Variants in ADCY8 observed in about 807,000 individuals in gnomAD.
The protein encoded by ADCY8 is adenylate cyclase 8.
ADCY8 carries 51 observed loss-of-function variants against 119.7 expected under a neutral mutation model. The ratio of observed to expected loss-of-function variants is 0.43; its 90% confidence interval spans 0.34 to 0.54. ADCY8 has a LOEUF of 0.54. Among genes scored for constraint, ADCY8 ranks in the 20% least tolerant of loss-of-function variants. ADCY8 has a pLI of 0.03. For synonymous variants in ADCY8, 665 were observed against 651.0 expected (o/e 1.02, Z -0.33); for missense variants, 1,383 against 1,598.8 (o/e 0.87, Z 2.30).
chr8:130,973,792 T>C (rs1217876595), intron 2 of ADCY8, among the ~76,000 whole-genome samples: 1 of 152,236 alleles, frequency 6.6e-6, no homozygotes, highest in Non-Finnish European at 1.5e-5. Flanking sequence ...GCTTACCTCA[T>C]GTGATCCTCA....
chr8:130,791,534 C>T (rs536806748), intron 15 of ADCY8, among the ~76,000 whole-genome samples: 2 of 152,380 alleles, frequency 1.3e-5, no homozygotes, highest in Non-Finnish European at 2.9e-5. Context: ...TGCCCAGGGG[C>T]TGTGGCATAG....
rs547544987 is a variant in ADCY8 at position 130,813,020 on chromosome 8, T to A, written c.2913+1049A>T. Among the ~76,000 whole-genome samples, 12 of 151,534 alleles carry A rather than the reference T, an allele frequency of 7.9e-5. No homozygotes were observed. The South Asian group carries it at 2.3e-3, about 29-fold the overall frequency. The stretch of plus-strand genomic sequence containing the variant: ...TGGAGTGCAGTGGCACAATCTCAAC[T>A]CACTGCAACCTCTGCCCCCCAGGTT... On this transcript the variant is annotated intron_variant, in intron 14 of 17. Transcript: ENST00000286355.
chr8:130,826,406 C>T (rs1326773545), intron 12 of ADCY8, among the ~76,000 whole-genome samples: 1 of 152,150 alleles, frequency 6.6e-6, no homozygotes, highest in African/African-American at 2.4e-5. Context: ...GGGGATCAAA[C>T]TAAAACAATT....
intron 1 of ADCY8, among the ~76,000 whole-genome samples, chr8:130,996,638 A>C (rs193046965): frequency 5.4e-4 from 82 of 152,246 alleles, no homozygotes; most frequent in African/African-American, 1.9e-3. Context: ...CTACAGGGGA[A>C]AAAAATGGAC....
intron 1 of ADCY8, among the ~76,000 whole-genome samples, chr8:131,025,444 A>G (rs76453138): frequency 0.021 from 3,257 of 152,184 alleles, 75 homozygotes; most frequent in African/African-American, 0.056. Flanking sequence ...AAAAAGGGAA[A>G]CAGCAATACT....
intron 1 of ADCY8, among the ~76,000 whole-genome samples, chr8:131,003,361 A>T (rs1823015402): frequency 6.6e-6 from 1 of 152,204 alleles, no homozygotes; most frequent in South Asian, 2.1e-4. Context: ...TTTTTGCACA[A>T]ATTTTAAAGT....
At chr8:130,923,571 A>G (rs1033711746) in intron 5 of ADCY8, among the ~76,000 whole-genome samples, 3 of 152,190 alleles carry the variant, frequency 2.0e-5, no homozygotes, top group African/African-American at 7.2e-5. Context: ...TTAATCAAGA[A>G]CAACTTTTGC....
intron 15 of ADCY8, among the ~76,000 whole-genome samples, chr8:130,799,663 A>G (rs1586424881): frequency 6.6e-6 from 1 of 152,248 alleles, no homozygotes. Context: ...AGGGCAGCCC[A>G]TGACCAATAA....
rs183378714 is a variant in ADCY8 at position 130,906,916 on chromosome 8, T to C, written c.1640+2792A>G. Among the ~76,000 whole-genome samples, 26 of 151,966 alleles carry C rather than the reference T, an allele frequency of 1.7e-4. 1 individual carries two copies. Among genetic ancestry groups the C allele is most frequent in the Admixed American group, 7.2e-4 (11 of 15,214 alleles). On this transcript the variant is annotated intron_variant, in intron 6 of 17. Transcript: ENST00000286355. ...ACATTTCTTTGTCTCCTTTTGCAGA[T>C]GCTGAAACTGGCCCAGAAGTAACAA...
At chr8:130,847,984 A>G (rs1817385644) in intron 10 of ADCY8, among the ~76,000 whole-genome samples, 1 of 152,120 alleles carries the variant, frequency 6.6e-6, no homozygotes, top group African/African-American at 2.4e-5. Context: ...GCTGCAGGAG[A>G]TTTTGTGGTA....
At chr8:130,865,668 T>G (rs756085751) in intron 9 of ADCY8, among the ~76,000 whole-genome samples, 5 of 152,166 alleles carry the variant, frequency 3.3e-5, no homozygotes, top group Non-Finnish European at 5.9e-5. Context: ...GAGCATGGGT[T>G]GTTTATTTAT....
intron 14 of ADCY8, among the ~76,000 whole-genome samples, chr8:130,807,266 A>G (rs942579757): frequency 6.6e-6 from 1 of 152,212 alleles, no homozygotes; most frequent in Non-Finnish European, 1.5e-5. Context: ...ACCTCTCAGC[A>G]TGGGAGAAAC....
At position 131,040,004 on chromosome 8, in the gene ADCY8, C is replaced by T. The variant is rs760047136; in HGVS notation, c.330G>A (p.Pro110=). 12 of 1,564,056 alleles carry T rather than the reference C, an allele frequency of 7.7e-6. No individual in the cohort carries two copies. In the East Asian group the frequency reaches 2.6e-4, roughly 34 times the overall value. ...TGGCACTGCCGCTCCCGCTGCGTTC[C>T]GGGAAGACTTTGGTGCCGCAGGTGC... ...AHSTCGTKVF[P]ERSGSGSASG... The change falls in exon 1 of 18, where the codon CCG becomes CCA. Residue 110 remains proline (P), a synonymous_variant. Transcript: ENST00000286355.
chr8:130,907,248 G>A (rs1041435238), intron 6 of ADCY8, among the ~76,000 whole-genome samples: 2 of 152,144 alleles, frequency 1.3e-5, no homozygotes, highest in Non-Finnish European at 2.9e-5. Context: ...ACTCGGCAGT[G>A]GGGCCCAGCA....
chr8:130,933,217 A>C (rs59956327), intron 5 of ADCY8, among the ~76,000 whole-genome samples: 82,997 of 151,692 alleles, frequency 0.55, 23,896 homozygotes, highest in African/African-American at 0.73. Flanking sequence ...ATATTAACAT[A>C]TAACATTATG....
chr8:131,008,026 C>T (rs951018299), intron 1 of ADCY8, among the ~76,000 whole-genome samples: 1 of 151,982 alleles, frequency 6.6e-6, no homozygotes, highest in African/African-American at 2.4e-5. Flanking sequence ...TTAGGGTGAC[C>T]ATATAATTTA....
intron 12 of ADCY8, among the ~76,000 whole-genome samples, chr8:130,828,673 C>A (rs1209272623): frequency 6.6e-6 from 1 of 152,194 alleles, no homozygotes; most frequent in Non-Finnish European, 1.5e-5. Context: ...TGGGAAAATT[C>A]TGTCTTCAAC....
At position 130,807,983 on chromosome 8, in the gene ADCY8, CAAAAAAAAAAAAAAAAA is replaced by C. The variant is rs752321769; in HGVS notation, c.2913+6069_2913+6085del. On this transcript the variant is annotated intron_variant, in intron 14 of 17. Transcript: ENST00000286355. ...TGGGTGACAGAGCGAGACTCCGTCT[CAAAAAAAAAAAAAAAAA>C]AAAAAAAAAAAAAAAAAAAAATTGG... Among the ~76,000 whole-genome samples the C allele has an allele frequency of 3.8e-4, 18 of 47,238 alleles. 1 individual carries two copies. The South Asian group carries it at 0.014, about 38-fold the overall frequency. The allele number at this position is 47,238 out of a possible 152,430, so 31.0% of individuals were successfully genotyped here.
chr8:130,922,208 C>CT (rs751799584), intron 5 of ADCY8, among the ~76,000 whole-genome samples: 5,021 of 129,038 alleles, frequency 0.039, 290 homozygotes, highest in African/African-American at 0.13. Context: ...AATTCCCTTT[C>CT]TTTTTTTTTT....
Sources: allele counts gnomAD v4.1 joint callset (sites outside exome capture counted in the v4.1 genomes callset), GRCh38; gene constraint gnomAD v4.1.1; transcripts MANE v1.5; gene names NCBI Gene and HGNC (gene_info 2026-07-23, HGNC 2026-07-21).